Variants in TRPM3 observed in about 807,000 individuals in gnomAD.
TRPM3 encodes the protein long transient receptor potential channel 3.
In TRPM3, 77 loss-of-function variants were observed where a neutral mutation model predicts 181.2. That is an observed-to-expected ratio of 0.42 (90% CI 0.35 to 0.51). The LOEUF is 0.51. Ranked by LOEUF, TRPM3 falls within the 20% of genes least tolerant of loss-of-function variation. The pLI is 0.01. For missense variants in TRPM3, 1,759 were observed against 2,196.7 expected (o/e 0.80, Z 3.98); for synonymous variants, 745 against 796.4 (o/e 0.94, Z 1.09).
intron 1 of TRPM3, among the ~76,000 whole-genome samples, chr9:71,129,059 C>T (rs2074218408): frequency 6.6e-6 from 1 of 152,166 alleles, no homozygotes; most frequent in Admixed American, 6.5e-5. Context: ...AGTAACTCTG[C>T]TTGGTAGAGA....
chr9:71,400,944 T>A (rs1352726845), intron 1 of TRPM3, among the ~76,000 whole-genome samples: 1 of 152,258 alleles, frequency 6.6e-6, no homozygotes, highest in South Asian at 2.1e-4. Context: ...ATGCCTGTAA[T>A]CCCAGCACTT....
chr9:70,870,224 G>A (rs567213793), intron 1 of TRPM3, among the ~76,000 whole-genome samples: 7 of 152,086 alleles, frequency 4.6e-5, no homozygotes, highest in East Asian at 3.9e-4. Context: ...ACTTGAATTC[G>A]GTCCTGAGCC....
chr9:70,905,274 T>C (rs911909348), intron 1 of TRPM3, among the ~76,000 whole-genome samples: 5 of 152,220 alleles, frequency 3.3e-5, no homozygotes, highest in African/African-American at 1.2e-4. Flanking sequence ...CTCCTGGAGA[T>C]ACCAAATACA....
chr9:71,405,891 C>G (rs1291056747), intron 1 of TRPM3, among the ~76,000 whole-genome samples: 1 of 152,156 alleles, frequency 6.6e-6, no homozygotes, highest in Non-Finnish European at 1.5e-5. Flanking sequence ...TGCTTCACAT[C>G]TAAGTGCAGA....
chr9:71,077,927 A>G (rs879290775), intron 1 of TRPM3, among the ~76,000 whole-genome samples: 4 of 110,134 alleles, frequency 3.6e-5, no homozygotes, highest in South Asian at 5.4e-4. Flanking sequence ...TTTTTTTCCT[A>G]TCTCAGCACA....
intron 1 of TRPM3, among the ~76,000 whole-genome samples, chr9:71,335,796 A>C (rs374508179): frequency 1.7e-4 from 2 of 11,944 alleles, no homozygotes; most frequent in African/African-American, 3.3e-4. Flanking sequence ...ATTAGAATCT[A>C]ACAAACAGTT....
At chr9:70,842,660 T>G (rs1282499724) in intron 5 of TRPM3, among the ~76,000 whole-genome samples, 1 of 152,144 alleles carries the variant, frequency 6.6e-6, no homozygotes, top group Non-Finnish European at 1.5e-5. Flanking sequence ...GAGTTCATGT[T>G]GCCGTATATT....
intron 1 of TRPM3, among the ~76,000 whole-genome samples, chr9:71,191,338 C>A (rs888805767): frequency 1.3e-5 from 2 of 151,816 alleles, no homozygotes; most frequent in African/African-American, 4.8e-5. Context: ...TCTATAAAGA[C>A]AAACGCTGCC....
rs2041571684 is a variant in TRPM3 at position 70,535,790 on chromosome 9, C to A, written c.*163G>T. On this transcript the variant is annotated 3_prime_UTR_variant, in exon 26 of 26. Transcript: ENST00000677713. Reference sequence around the variant, plus strand: ...GGGTCAGATCAAATGCTTTCTTGATCTGTGGCCCAGAAGTCACCTTTGAGT... The same window carrying A: ...GGGTCAGATCAAATGCTTTCTTGATATGTGGCCCAGAAGTCACCTTTGAGT... 6.7e-7 allele frequency: 1 copy of A among 1,489,396 alleles called. No individual in the cohort carries two copies. Among genetic ancestry groups the A allele is most frequent in the Non-Finnish European group, 8.9e-7 (1 of 1,128,306 alleles). The allele number at this position is 1,489,396 out of a possible 1,614,324, so 92.3% of individuals were successfully genotyped here.
intron 1 of TRPM3, among the ~76,000 whole-genome samples, chr9:71,005,406 C>CAA (rs552933375): frequency 7.1e-6 from 1 of 141,078 alleles, no homozygotes; most frequent in Admixed American, 7.1e-5. Flanking sequence ...AACTCCATGT[C>CAA]AAAAAAAAAA....
At chr9:71,089,454 C>T (rs1463259254) in intron 1 of TRPM3, among the ~76,000 whole-genome samples, 1 of 151,368 alleles carries the variant, frequency 6.6e-6, no homozygotes, top group African/African-American at 2.4e-5. Flanking sequence ...TTATCTGTAT[C>T]TTCCTTTATA....
rs146030167 is a variant in TRPM3, at chr9:71,316,770, A to G, written c.183+129883T>C. Among the ~76,000 whole-genome samples the G allele has an allele frequency of 2.0e-3, 303 of 152,282 alleles. 1 individual carries two copies. The highest frequency in any genetic ancestry group is 6.9e-3 in the African/African-American group (286 of 41,568). ...CTTCTGACTTACAGAACTCTAAGGT[A>G]ATACATTTTTATTGTTTAAACCATT... On this transcript the variant is annotated intron_variant, in intron 1 of 24. Transcript: ENST00000357533.
At chr9:71,330,582 C>A (rs1207527428) in intron 1 of TRPM3, among the ~76,000 whole-genome samples, 4 of 151,744 alleles carry the variant, frequency 2.6e-5, no homozygotes, top group Non-Finnish European at 5.9e-5. Context: ...TATGCTATAG[C>A]AGAAAAAGCA....
chr9:70,922,685 T>C (rs548595686), intron 1 of TRPM3, among the ~76,000 whole-genome samples: 2 of 152,170 alleles, frequency 1.3e-5, no homozygotes, highest in Admixed American at 6.6e-5. Flanking sequence ...TAAACCTTCA[T>C]ACACTGATAC....
At chr9:71,080,242 C>T (rs1266668021) in intron 1 of TRPM3, among the ~76,000 whole-genome samples, 1 of 150,480 alleles carries the variant, frequency 6.6e-6, no homozygotes, top group Non-Finnish European at 1.5e-5. Flanking sequence ...TCTACGATTC[C>T]CAGTCTAGTA....
chr9:71,116,868 C>A (rs145455568), intron 1 of TRPM3, among the ~76,000 whole-genome samples: 1 of 152,134 alleles, frequency 6.6e-6, no homozygotes, highest in Admixed American at 6.5e-5. Flanking sequence ...ATTCTGCTAT[C>A]GGACACTCCA....
intron 1 of TRPM3, among the ~76,000 whole-genome samples, chr9:71,062,450 A>C (rs1264670117): frequency 6.6e-6 from 1 of 152,128 alleles, no homozygotes; most frequent in Non-Finnish European, 1.5e-5. Flanking sequence ...CAAGAACATC[A>C]ATACAAACAC....
intron 1 of TRPM3, among the ~76,000 whole-genome samples, chr9:71,275,156 A>G (rs1397645151): frequency 6.6e-6 from 1 of 152,262 alleles, no homozygotes; most frequent in African/African-American, 2.4e-5. Context: ...ACAATAAAAA[A>G]GAATCTTCCA....
In TRPM3 at chr9:70,536,883, C is replaced by T. The variant is rs760655405; in HGVS notation, c.4230G>A (p.Ser1410=). ...AIVPDSRRPS[S]CIDIYVSAMD... Reference sequence around the variant, plus strand: ...TAGCAGAGACATAGATGTCTATACACGATGATGGTCTTCTGGAATCAGGAA... The same window carrying T: ...TAGCAGAGACATAGATGTCTATACATGATGATGGTCTTCTGGAATCAGGAA... The change falls in exon 26 of 26, where the codon TCG becomes TCA. Residue 1410 remains serine (S), a synonymous_variant. Transcript: ENST00000677713. 1.4e-5 allele frequency: 22 copies of T among 1,614,040 alleles called. No individual in the cohort carries two copies. In the Admixed American group the frequency reaches 2.7e-4, roughly 20 times the overall value.
Sources: allele counts gnomAD v4.1 joint callset (sites outside exome capture counted in the v4.1 genomes callset), GRCh38; gene constraint gnomAD v4.1.1; transcripts MANE v1.5; gene names NCBI Gene and HGNC (gene_info 2026-07-23, HGNC 2026-07-21).